The following PTPRK variants were observed in gnomAD, a reference collection of about 807,000 sequenced individuals.
The protein encoded by PTPRK is protein tyrosine phosphatase receptor type K, also known as receptor-type tyrosine-protein phosphatase kappa.
PTPRK carries 75 observed loss-of-function variants against 178.0 expected under a neutral mutation model. The ratio of observed to expected loss-of-function variants is 0.42; its 90% CI spans 0.35 to 0.51. The LOEUF is 0.51. PTPRK is among the 20% of genes least tolerant of loss of function. The pLI is 0.02. For missense variants in PTPRK, 1,441 were observed against 1,797.8 expected (o/e 0.80, Z 3.59); for synonymous variants, 637 against 620.6 (o/e 1.03, Z -0.39).
At chr6:128,262,140 A>T (rs536604493) in intron 3 of PTPRK, among the ~76,000 whole-genome samples, 1 of 152,136 alleles carries the variant, frequency 6.6e-6, no homozygotes, top group African/African-American at 2.4e-5. Context: ...ATTCATCCCA[A>T]TTTTATGGAT....
At position 128,199,022 on chromosome 6, in the gene PTPRK, G is replaced by T. The variant is rs184620946; in HGVS notation, c.869-14297C>A. Among the ~76,000 whole-genome samples the T allele has an allele frequency of 3.9e-4, 59 of 152,312 alleles. 1 individual carries two copies. The highest frequency in any genetic ancestry group is 2.5e-3 in the Admixed American group (39 of 15,300). On this transcript the variant is annotated intron_variant, in intron 6 of 29. Coordinates refer to ENST00000368226, the MANE Select transcript of PTPRK (RefSeq NM_002844.4). ...TGAAACTTTATGCTTGCAAGGTGGA[G>T]TATAAATTATATGAGAAATTAAGAA...
At chr6:128,468,921 C>CAA (rs375371831) in intron 1 of PTPRK, among the ~76,000 whole-genome samples, 15,357 of 90,312 alleles carry the variant, frequency 0.17, 1,111 homozygotes, top group Non-Finnish European at 0.25. Context: ...AACACCTTTT[C>CAA]AAAAAAAAAA....
chr6:128,115,820 T>C (rs1372433810), intron 7 of PTPRK, among the ~76,000 whole-genome samples: 1 of 152,136 alleles, frequency 6.6e-6, no homozygotes, highest in African/African-American at 2.4e-5. Flanking sequence ...CAGATACAGA[T>C]GGAAAATAAG....
chr6:128,512,289 G>A (rs1412101422), intron 1 of PTPRK, among the ~76,000 whole-genome samples: 1 of 152,074 alleles, frequency 6.6e-6, no homozygotes, highest in Non-Finnish European at 1.5e-5. Flanking sequence ...GACAATATAG[G>A]TTATGCAGAC....
Position 128,184,481 on chromosome 6 carries a change from A to G in PTPRK, c.1113T>C (p.Gly371=), listed in dbSNP as rs779378175. 2 of 1,613,722 alleles carry G rather than the reference A, an allele frequency of 1.2e-6. No individual in the cohort carries two copies. Among genetic ancestry groups the G allele is most frequent in the South Asian group, 1.1e-5 (1 of 91,066 alleles). ...IRVLLTRPGE[G]GTGLPGPPLI... ...GTGGAGGTCCTGGGAGCCCCGTTCC[A>G]CCTTCACCAGGTCTTGTAAGTAGAA... The change falls in exon 7 of 30, where the codon GGT becomes GGC. Residue 371 remains glycine (G), a synonymous_variant. Transcript: ENST00000368226.
chr6:128,366,181 T>G (rs1835452701), intron 2 of PTPRK, among the ~76,000 whole-genome samples: 1 of 152,124 alleles, frequency 6.6e-6, no homozygotes, highest in Non-Finnish European at 1.5e-5. Context: ...GGGAGTACTA[T>G]GCCACTCTAA....
intron 7 of PTPRK, among the ~76,000 whole-genome samples, chr6:128,159,244 T>C (rs895378492): frequency 6.6e-5 from 10 of 152,002 alleles, no homozygotes; most frequent in African/African-American, 2.4e-4. Context: ...TTCATCTACA[T>C]GAATAATTCA....
intron 7 of PTPRK, among the ~76,000 whole-genome samples, chr6:128,148,458 A>G (rs1168598808): frequency 6.6e-6 from 1 of 152,200 alleles, no homozygotes; most frequent in East Asian, 1.9e-4. Context: ...TGTCTACTAC[A>G]GCATGAATTT....
chr6:128,001,288 T>A, intron 15 of PTPRK: 1 of 1,108,220 alleles, frequency 9.0e-7, no homozygotes, highest in Non-Finnish European at 1.3e-6. Flanking sequence ...TTTAAATCAG[T>A]AAGTATTAGC....
chr6:128,297,196 C>T (rs1292259463), intron 3 of PTPRK, among the ~76,000 whole-genome samples: 3 of 151,894 alleles, frequency 2.0e-5, no homozygotes, highest in Non-Finnish European at 4.4e-5. Flanking sequence ...ATATATGCAC[C>T]CAACACAGGA....
At chr6:128,320,375 G>GA (rs1185832395) in intron 3 of PTPRK, among the ~76,000 whole-genome samples, 2 of 152,068 alleles carry the variant, frequency 1.3e-5, no homozygotes, top group African/African-American at 4.8e-5. Context: ...TAGTTACGAG[G>GA]AAAAAGAAAT....
chr6:128,223,316 A>G (rs1281214246), intron 5 of PTPRK, among the ~76,000 whole-genome samples: 82 of 152,014 alleles, frequency 5.4e-4, no homozygotes. Context: ...ATACACATTA[A>G]TCATCAATCC....
intron 1 of PTPRK, among the ~76,000 whole-genome samples, chr6:128,517,533 T>A (rs1261363688): frequency 6.6e-6 from 1 of 152,190 alleles, no homozygotes; most frequent in Non-Finnish European, 1.5e-5. Flanking sequence ...TGAAAGAATG[T>A]ATGAGTTGGG....
chr6:128,502,777 A>G (rs1855745949), intron 1 of PTPRK, among the ~76,000 whole-genome samples: 1 of 152,226 alleles, frequency 6.6e-6, no homozygotes, highest in Non-Finnish European at 1.5e-5. Flanking sequence ...TTATATTTGC[A>G]GGATATTTAC....
At chr6:128,032,886 T>C (rs903679167) in intron 13 of PTPRK, among the ~76,000 whole-genome samples, 3 of 152,126 alleles carry the variant, frequency 2.0e-5, no homozygotes, top group African/African-American at 7.2e-5. Flanking sequence ...CAGGACAATA[T>C]TGCCTGGACC....
At chr6:128,047,939 T>C (rs528849554) in intron 13 of PTPRK, among the ~76,000 whole-genome samples, 1 of 152,276 alleles carries the variant, frequency 6.6e-6, no homozygotes, top group African/African-American at 2.4e-5. Flanking sequence ...CTAATTTGTT[T>C]AGACAATATG....
intron 7 of PTPRK, among the ~76,000 whole-genome samples, chr6:128,115,067 A>G (rs1006660532): frequency 1.3e-5 from 2 of 152,036 alleles, no homozygotes; most frequent in African/African-American, 4.8e-5. Flanking sequence ...ACTCTCTGTC[A>G]CATTCAAGGT....
intron 1 of PTPRK, among the ~76,000 whole-genome samples, chr6:128,460,952 A>C (rs2128411956): frequency 6.6e-6 from 1 of 152,332 alleles, no homozygotes; most frequent in East Asian, 1.9e-4. Context: ...AGAGGTGTAA[A>C]TATAAAAATA....
At chr6:128,169,353 C>A (rs185947677) in intron 7 of PTPRK, among the ~76,000 whole-genome samples, 2 of 151,762 alleles carry the variant, frequency 1.3e-5, no homozygotes, top group Admixed American at 6.6e-5. Flanking sequence ...CAGACCCAAG[C>A]CTAAGTTAGA....
Sources: gnomAD v4.1 joint callset for allele counts (sites outside exome capture counted in the v4.1 genomes callset) on GRCh38, gnomAD v4.1.1 for gene constraint, MANE v1.5 for transcripts, NCBI Gene and HGNC (gene_info 2026-07-23, HGNC 2026-07-21) for gene names.